Variants in DACH1 observed in about 807,000 individuals in gnomAD.
DACH1 encodes the protein dachshund family transcription factor 1, also known as dachshund homolog 1.
DACH1 carries 12 observed loss-of-function variants against 54.2 expected under a neutral mutation model. The ratio of observed to expected loss-of-function variants is 0.22; its 90% CI spans 0.14 to 0.36. The LOEUF is 0.36. DACH1 is among the 10% of genes least tolerant of loss of function. The pLI is 1.00. For missense variants in DACH1, 805 were observed against 929.8 expected (o/e 0.87, Z 1.75); for synonymous variants, 386 against 366.2 (o/e 1.05, Z -0.62).
chr13:71,846,148 A>AAGT (rs1193492322), intron 1 of DACH1: 1 of 197,902 alleles, frequency 5.1e-6, no homozygotes, highest in African/African-American at 2.4e-5. Flanking sequence ...CAAAGCGAGA[A>AAGT]CAGCACACTG....
chr13:71,540,619 A>T (rs1883069551), intron 6 of DACH1, among the ~76,000 whole-genome samples: 1 of 152,074 alleles, frequency 6.6e-6, no homozygotes, highest in Non-Finnish European at 1.5e-5. Context: ...ATATCAAAAA[A>T]TCCAGATTTT....
intron 2 of DACH1, among the ~76,000 whole-genome samples, chr13:71,672,068 T>C (rs1594078651): frequency 6.6e-6 from 1 of 152,162 alleles, no homozygotes; most frequent in African/African-American, 2.4e-5. Flanking sequence ...TTACTAAAAA[T>C]TGTGGTGCCA....
chr13:71,507,587 G>T (rs117017473), intron 6 of DACH1, among the ~76,000 whole-genome samples: 1,958 of 152,188 alleles, frequency 0.013, 21 homozygotes, highest in Non-Finnish European at 0.021. Context: ...ATGGATGAAT[G>T]CCAAATGCAA....
chr13:71,477,264 G>A (rs1052381267), intron 8 of DACH1, among the ~76,000 whole-genome samples: 1 of 150,936 alleles, frequency 6.6e-6, no homozygotes, highest in African/African-American at 2.4e-5. Context: ...GGGACTACAG[G>A]CACCTGCCAC....
intron 1 of DACH1, among the ~76,000 whole-genome samples, chr13:71,820,683 A>G (rs1262310907): frequency 6.6e-6 from 1 of 152,190 alleles, no homozygotes; most frequent in Non-Finnish European, 1.5e-5. Flanking sequence ...AAGAAACAAC[A>G]TACAGTTATA....
chr13:71,552,840 TATAGAGAG>T (rs1373588839), intron 6 of DACH1, among the ~76,000 whole-genome samples: 7 of 16,862 alleles, frequency 4.2e-4, no homozygotes, highest in African/African-American at 9.8e-4. Context: ...TATATATATA[TATAGAGAG>T]AGAGAGAGAG....
intron 10 of DACH1, among the ~76,000 whole-genome samples, chr13:71,450,410 C>T (rs968848572): frequency 1.3e-5 from 2 of 152,108 alleles, no homozygotes; most frequent in South Asian, 2.1e-4. Flanking sequence ...CCATATAAGA[C>T]GATGAACTTA....
intron 6 of DACH1, among the ~76,000 whole-genome samples, chr13:71,517,882 C>A (rs1334376524): frequency 6.6e-6 from 1 of 151,810 alleles, no homozygotes; most frequent in African/African-American, 2.4e-5. Context: ...TTAGTCCAAC[C>A]AAAATTCAGT....
intron 1 of DACH1, among the ~76,000 whole-genome samples, chr13:71,781,390 A>ATTTAT (rs927942757): frequency 9.5e-5 from 12 of 126,172 alleles, no homozygotes; most frequent in African/African-American, 1.5e-4. Context: ...TTATTTATTT[A>ATTTAT]TTTTTTGAGA....
intron 2 of DACH1, among the ~76,000 whole-genome samples, chr13:71,668,914 A>G (rs991241797): frequency 2.0e-5 from 3 of 152,142 alleles, no homozygotes; most frequent in African/African-American, 7.2e-5. Flanking sequence ...AACAAGAACA[A>G]AACTCTGTCT....
intron 7 of DACH1, among the ~76,000 whole-genome samples, chr13:71,483,199 A>G (rs1878200576): frequency 6.6e-6 from 1 of 151,886 alleles, no homozygotes; most frequent in South Asian, 2.1e-4. Flanking sequence ...TATGACAGGA[A>G]CAAAGAAGAG....
chr13:71,767,286 A>G (rs1272088590), intron 1 of DACH1, among the ~76,000 whole-genome samples: 1 of 152,102 alleles, frequency 6.6e-6, no homozygotes, highest in Non-Finnish European at 1.5e-5. Context: ...TAAAACTGTT[A>G]TAAGAATCTA....
chr13:71,548,317 T>G lies in DACH1; in HGVS notation c.1570+8707A>C, dbSNP rs79806826. On this transcript the variant is annotated intron_variant, in intron 6 of 10. Coordinates refer to ENST00000613252, the MANE Select transcript of DACH1 (RefSeq NM_080759.6). ...ACTATTAGGTCAAAATATATGCAGT[T>G]TCAGATATTCTATTCCTTTATTCCA... is the stretch of plus-strand genomic sequence containing the variant. Among the ~76,000 whole-genome samples the G allele has an allele frequency of 6.2e-3, 946 of 152,284 alleles. 10 individuals are homozygous for G. The highest frequency in any genetic ancestry group is 0.02 in the African/African-American group (832 of 41,560).
intron 1 of DACH1, among the ~76,000 whole-genome samples, chr13:71,729,041 T>G (rs996431452): frequency 7.2e-5 from 11 of 151,970 alleles, no homozygotes; most frequent in Non-Finnish European, 1.3e-4. Context: ...CAAAAGAATT[T>G]ACCCCAGATT....
chr13:71,546,798 C>T (rs1035784545), intron 6 of DACH1, among the ~76,000 whole-genome samples: 1 of 151,986 alleles, frequency 6.6e-6, no homozygotes, highest in African/African-American at 2.4e-5. Flanking sequence ...AGACCAAAAG[C>T]ACTAAAAACA....
rs769730870 is a variant in DACH1, at chr13:71,866,683, G to A, written c.87C>T (p.Thr29=). 4.8e-6 allele frequency: 7 copies of A among 1,456,464 alleles called. No individual in the cohort carries two copies. In the South Asian group the frequency reaches 9.3e-5, roughly 19 times the overall value. The allele number at this position is 1,456,464 out of a possible 1,614,324, so 90.2% of individuals were successfully genotyped here. ...PISTSASSSG[T]TTSTSSATSS... is the part of the protein sequence containing the mutation. Reference sequence around the variant, plus strand: ...AAGTCGCCGAAGAGGTGGAGGTGGTGGTGCCAGAGGAGGAAGCAGACGTGG... The same window carrying A: ...AAGTCGCCGAAGAGGTGGAGGTGGTAGTGCCAGAGGAGGAAGCAGACGTGG... Residue 29 remains threonine (T), a synonymous_variant, in exon 1 of 11, where the codon ACC becomes ACT. Coordinates refer to ENST00000613252, the MANE Select transcript of DACH1 (RefSeq NM_080759.6).
intron 1 of DACH1, among the ~76,000 whole-genome samples, chr13:71,740,677 G>T (rs1175308106): frequency 6.6e-6 from 1 of 152,134 alleles, no homozygotes; most frequent in African/African-American, 2.4e-5. Flanking sequence ...TATTGCATGT[G>T]CTACTGCCTG....
intron 10 of DACH1, among the ~76,000 whole-genome samples, chr13:71,462,166 G>A (rs1272911405): frequency 6.6e-6 from 1 of 151,846 alleles, no homozygotes; most frequent in Non-Finnish European, 1.5e-5. Flanking sequence ...TATCTCTGGA[G>A]TGTGATTATA....
intron 3 of DACH1, among the ~76,000 whole-genome samples, chr13:71,593,172 A>C (rs562054719): frequency 6.6e-6 from 1 of 152,298 alleles, no homozygotes; most frequent in East Asian, 1.9e-4. Context: ...ATTATTTTTA[A>C]GTTAGCAGTT....
Sources: allele counts gnomAD v4.1 joint callset (sites outside exome capture counted in the v4.1 genomes callset), GRCh38; gene constraint gnomAD v4.1.1; transcripts MANE v1.5; gene names NCBI Gene and HGNC (gene_info 2026-07-23, HGNC 2026-07-21).